HDAC4: variants seen among roughly 807,000 people sequenced by gnomAD.
The protein encoded by HDAC4 is histone deacetylase 4, also known as histone deacetylase A.
Under a neutral mutation model 135.1 loss-of-function variants are expected in HDAC4, and 16 were observed. That is an observed-to-expected ratio of 0.12 (90% CI 0.08 to 0.18). HDAC4 has a LOEUF of 0.18. Among genes scored for constraint, HDAC4 ranks in the 10% least tolerant of loss-of-function variants. HDAC4 has a pLI of 1.00. For missense variants in HDAC4, 1,143 were observed against 1,511.8 expected, an observed-to-expected ratio of 0.76 and a Z score of 4.05; for synonymous variants, 685 against 653.4, an observed-to-expected ratio of 1.05 and a Z score of -0.74.
rs2030891356 is a variant in HDAC4 at position 239,051,779 on chromosome 2, C to T, written c.*1318G>A. The T allele has an allele frequency of 6.6e-6, 1 of 152,340 alleles. No homozygotes were observed. Among genetic ancestry groups the T allele is most frequent in the East Asian group, 1.9e-4 (1 of 5,196 alleles). The allele number at this position is 152,340 out of a possible 1,614,324, so 9.4% of individuals were successfully genotyped here. A position where few individuals can be genotyped will look rare whatever the true frequency, so the allele number is the denominator to read the frequency against. On this transcript the variant is annotated 3_prime_UTR_variant, in exon 27 of 27. Coordinates refer to ENST00000543185, the MANE Select transcript of HDAC4 (RefSeq NM_001378414.1). ...AATTTCAATCAATCAGGATCCCTTT[C>T]CATAAGCACCTTGAGAGCAAATTCA... is the stretch of plus-strand genomic sequence containing the variant.
chr2:239,195,835 C>T lies in HDAC4; in HGVS notation c.95-5758G>A, dbSNP rs142859323. The stretch of plus-strand genomic sequence containing the variant: ...GCCGCATTCAGAGTCCAATGGGAGA[C>T]GGTCAGTGTGCTGTGAATGAATTCT... On this transcript the variant is annotated intron_variant, in intron 3 of 26. Transcript: ENST00000543185. Among the ~76,000 whole-genome samples, 303 of 152,324 alleles carry T rather than the reference C, an allele frequency of 2.0e-3. 1 individual carries two copies. Among genetic ancestry groups the T allele is most frequent in the African/African-American group, 6.7e-3 (279 of 41,586 alleles).
intron 2 of HDAC4, among the ~76,000 whole-genome samples, chr2:239,275,095 C>T (rs1039721319): frequency 9.9e-5 from 15 of 152,232 alleles, no homozygotes; most frequent in African/African-American, 3.6e-4. Flanking sequence ...GCACACGCTA[C>T]GCTATCATTA....
chr2:239,089,818 C>A (rs1163181464), intron 18 of HDAC4, 191 bp downstream of exon 18: 5 of 610,608 alleles, frequency 8.2e-6, no homozygotes, highest in African/African-American at 1.8e-5. Context: ...TATGCACATA[C>A]CCTATCACAA....
At chr2:239,096,415 A>C (rs1575007936) in intron 16 of HDAC4, among the ~76,000 whole-genome samples, 1 of 91,144 alleles carries the variant, frequency 1.1e-5, no homozygotes, top group African/African-American at 4.3e-5. Flanking sequence ...CTGCACCATC[A>C]CCCCACCACG....
rs939918693 is a variant in HDAC4, at chr2:239,053,369, T to C, written c.3230+91A>G. The C allele has an allele frequency of 7.9e-6, 12 of 1,518,786 alleles. No individual in the cohort carries two copies. The African/African-American group carries it at 1.4e-4, about 17-fold the overall frequency. 94.1% of individuals were successfully genotyped at this position (1,518,786 alleles called of 1,614,324 possible). On this transcript the variant is annotated intron_variant, in intron 26 of 26. Transcript: ENST00000543185. Reference sequence around the variant, plus strand: ...TGTCTCTAGTCTGTTGGGCAGGGCATGTGCCATAAAGGTTCTGACCCTGAA... The same window carrying C: ...TGTCTCTAGTCTGTTGGGCAGGGCACGTGCCATAAAGGTTCTGACCCTGAA...
In HDAC4 at chr2:239,050,920, A is replaced by G. The variant is rs150240071; in HGVS notation, c.*2177T>C. On this transcript the variant is annotated 3_prime_UTR_variant, in exon 27 of 27. Coordinates refer to ENST00000543185, the MANE Select transcript of HDAC4 (RefSeq NM_001378414.1). ...CAACAAGGGTCCCTGGGTTCCTTGC[A>G]GCCACAGGCTCCAAAATCCAGGGCT... 8.2e-4 allele frequency: 125 copies of G among 152,794 alleles called. No individual in the cohort carries two copies. The highest frequency in any genetic ancestry group is 2.9e-3 in the African/African-American group (119 of 41,572). The allele number at this position is 152,794 out of a possible 1,614,324, so 9.5% of individuals were successfully genotyped here. A position where few individuals can be genotyped will look rare whatever the true frequency, so the allele number is the denominator to read the frequency against.
intron 3 of HDAC4, among the ~76,000 whole-genome samples, chr2:239,197,878 T>TGC (rs2045503518): frequency 1.3e-5 from 2 of 150,268 alleles, no homozygotes; most frequent in South Asian, 4.2e-4. Flanking sequence ...TGTGTGTGTG[T>TGC]GTGTGCTGAG....
chr2:239,343,804 G>A (rs1475031378), intron 2 of HDAC4, among the ~76,000 whole-genome samples: 1 of 152,206 alleles, frequency 6.6e-6, no homozygotes, highest in Non-Finnish European at 1.5e-5. Context: ...GAAGGTGACC[G>A]ATTCTAGCGG....
Position 239,386,474 on chromosome 2 carries a change from G to A in HDAC4, c.-220+14504C>T, listed in dbSNP as rs189148842. Among the ~76,000 whole-genome samples the A allele has an allele frequency of 9.9e-5, 15 of 152,224 alleles. No homozygotes were observed. In the East Asian group the frequency reaches 2.5e-3, roughly 26 times the overall value. Reference sequence around the variant, plus strand: ...CGTCAGCTGAGGGTGCAGGTCCTGGGGGCATCCCGGGGTGGCCGGCCAGGG... The same window carrying A: ...CGTCAGCTGAGGGTGCAGGTCCTGGAGGCATCCCGGGGTGGCCGGCCAGGG... On this transcript the variant is annotated intron_variant, in intron 1 of 26. Coordinates refer to ENST00000543185, the MANE Select transcript of HDAC4 (RefSeq NM_001378414.1).
chr2:239,362,684 A>G (rs1693939161), intron 1 of HDAC4, among the ~76,000 whole-genome samples: 1 of 152,164 alleles, frequency 6.6e-6, no homozygotes, highest in Non-Finnish European at 1.5e-5. Flanking sequence ...AGCCTGCAGA[A>G]CCCAGTCCAG....
chr2:239,164,248 G>A (rs2042992533), intron 5 of HDAC4, among the ~76,000 whole-genome samples: 1 of 152,256 alleles, frequency 6.6e-6, no homozygotes, highest in African/African-American at 2.4e-5. Context: ...GAATTAGGCA[G>A]TGGCAGCGTG....
rs190895424 is a variant in HDAC4, at chr2:239,121,860, G to A, written c.1533+4596C>T. 5.9e-5 allele frequency among the ~76,000 whole-genome samples: 9 copies of A among 152,208 alleles called. No individual in the cohort carries two copies. In the East Asian group the frequency reaches 9.7e-4, roughly 16 times the overall value. ...CTGCTTCTCTCTCTCTCTCTCCTTT[G>A]ACATTCAGTTCTGAGTCTCACTGGC... On this transcript the variant is annotated intron_variant, in intron 12 of 26. Transcript: ENST00000543185.
chr2:239,293,443 A>C (rs542420323), intron 2 of HDAC4, among the ~76,000 whole-genome samples: 1 of 152,290 alleles, frequency 6.6e-6, no homozygotes, highest in African/African-American at 2.4e-5. Flanking sequence ...CTCCACAATC[A>C]AAGGGGGATA....
chr2:239,238,806 G>A (rs146554895), intron 2 of HDAC4, among the ~76,000 whole-genome samples: 144 of 152,326 alleles, frequency 9.5e-4, no homozygotes, highest in Non-Finnish European at 1.7e-3. Context: ...GTCACGATAC[G>A]TGGTGTTCCT....
chr2:239,387,188 G>A (rs1695873206), intron 1 of HDAC4, among the ~76,000 whole-genome samples: 1 of 152,252 alleles, frequency 6.6e-6, no homozygotes, highest in South Asian at 2.1e-4. Flanking sequence ...ACTTCAGTGG[G>A]AGCTAAAGAC....
rs577461438 is a variant in HDAC4 at position 239,131,345 on chromosome 2, C to A, written c.1294+2900G>T. The stretch of plus-strand genomic sequence containing the variant: ...TGATATCCTATACACCTATGCACCA[C>A]GATTACCAGCGATAAGGTGGGTCTG... On this transcript the variant is annotated intron_variant, in intron 11 of 26. Coordinates refer to ENST00000543185, the MANE Select transcript of HDAC4 (RefSeq NM_001378414.1). Among the ~76,000 whole-genome samples the A allele has an allele frequency of 6.5e-4, 97 of 150,358 alleles. No homozygotes were observed. The East Asian group carries it at 0.019, about 29-fold the overall frequency.
chr2:239,365,101 TAGAA>T (rs1694103902), intron 1 of HDAC4, among the ~76,000 whole-genome samples: 1 of 152,250 alleles, frequency 6.6e-6, no homozygotes, highest in Admixed American at 6.5e-5. Context: ...TTTTAAGCTT[TAGAA>T]AGCAAACTGT....
intron 14 of HDAC4, among the ~76,000 whole-genome samples, chr2:239,110,038 G>A (rs989640131): frequency 2.0e-5 from 3 of 152,186 alleles, no homozygotes; most frequent in African/African-American, 7.2e-5. Flanking sequence ...CGCTGTGCAC[G>A]GACACGGGAA....
intron 1 of HDAC4, among the ~76,000 whole-genome samples, chr2:239,392,012 C>T (rs1696253985): frequency 6.6e-6 from 1 of 152,216 alleles, no homozygotes; most frequent in African/African-American, 2.4e-5. Context: ...ACTCCGAAGC[C>T]CAAAAGGTCA....
Sources: allele counts gnomAD v4.1 joint callset (sites outside exome capture counted in the v4.1 genomes callset), GRCh38; gene constraint gnomAD v4.1.1; transcripts MANE v1.5; gene names NCBI Gene and HGNC (gene_info 2026-07-23, HGNC 2026-07-21).